Variants in BTG4 observed in about 807,000 individuals in gnomAD.
The protein encoded by BTG4 is BTG anti-proliferation factor 4, also known as protein BTG4.
BTG4 carries 10 observed loss-of-function variants against 19.3 expected under a neutral mutation model. That is an observed-to-expected ratio of 0.52 (90% CI 0.32 to 0.88). The LOEUF is 0.88. Among genes scored for constraint, BTG4 ranks in the 40% least tolerant of loss-of-function variants. The probability of loss-of-function intolerance (pLI) is 0.04; values close to 1 mark genes in which losing one functional copy is unlikely to be tolerated. For synonymous variants in BTG4, 91 were observed against 95.7 expected (o/e 0.95, Z 0.29); for missense variants, 238 against 281.9 (o/e 0.84, Z 1.11).
intron 5 of BTG4, among the ~76,000 whole-genome samples, chr11:111,486,664 T>C (rs1032633924): frequency 2.6e-5 from 4 of 152,074 alleles, no homozygotes; most frequent in South Asian, 2.1e-4. Flanking sequence ...CTGAATTCAA[T>C]AGCACATTAA....
At chr11:111,443,857 A>T in the BTG4 span, among the ~76,000 whole-genome samples, 1 of 152,200 alleles carries the variant, frequency 6.6e-6, no homozygotes, top group Non-Finnish European at 1.5e-5. Context: ...AGGAAGCCTC[A>T]CTTAGAAGCC....
At position 111,473,677 on chromosome 11, in the gene BTG4, A is replaced by C. The variant is rs113783604; in HGVS notation, c.663-5996T>G. 1.8e-3 allele frequency among the ~76,000 whole-genome samples: 279 copies of C among 152,282 alleles called. 3 individuals are homozygous for C. Among genetic ancestry groups the C allele is most frequent in the African/African-American group, 5.6e-3 (232 of 41,562 alleles). ...GGTCATCAGGGAAATTTAAAACTAC[A>C]TTGAGATACCACACACCAGAAAAAT... is the stretch of plus-strand genomic sequence containing the variant. On this transcript the variant is annotated intron_variant, in intron 5 of 5. Coordinates refer to the BTG4 transcript ENST00000356018.
the BTG4 span, chr11:111,455,705 G>A: frequency 2.4e-6 from 1 of 420,140 alleles, no homozygotes; most frequent in East Asian, 7.4e-5. Flanking sequence ...CCCGGAACTG[G>A]CCAAAACAAA....
chr11:111,476,398 C>T (rs974507392), intron 5 of BTG4, among the ~76,000 whole-genome samples: 2 of 151,932 alleles, frequency 1.3e-5, no homozygotes, highest in Non-Finnish European at 2.9e-5. Flanking sequence ...GATGAAAATA[C>T]TAATGGTAGA....
At position 111,495,244 on chromosome 11, in the gene BTG4, C is replaced by T. The variant is rs201313198; in HGVS notation, c.581G>A (p.Arg194His). Residue 194 changes from arginine to histidine, a missense_variant, in exon 5 of 5, where the codon CGT (arginine) becomes CAT (histidine). Arg to His is a conservative substitution (Grantham distance 29). Transcript: ENST00000692032. ...GTAAGTGTTTCCCAGGAGGCCAACA[C>T]GGCCGTCCACCACATTCTTTTTGCG... ...IPRKKNVVDG[R>H]VGLLGNTYHG... 116 of 1,612,402 alleles carry T rather than the reference C, an allele frequency of 7.2e-5. No homozygotes were observed. Among genetic ancestry groups the T allele is most frequent in the Middle Eastern group, 5.0e-4 (3 of 6,054 alleles).
At chr11:111,494,114 G>C (rs1053414866), downstream of BTG4, among the ~76,000 whole-genome samples, 1 of 152,214 alleles carries the variant, frequency 6.6e-6, no homozygotes, top group Non-Finnish European at 1.5e-5. Context: ...AGCGGCTGGA[G>C]AAGAGCAAAG....
the BTG4 span, among the ~76,000 whole-genome samples, chr11:111,444,251 A>AG: frequency 7.4e-6 from 1 of 135,486 alleles, no homozygotes; most frequent in Non-Finnish European, 1.6e-5. Context: ...AGAGACAGAG[A>AG]GAGAGGAGAG....
At chr11:111,466,648 C>A (rs539045599), downstream of BTG4, 4 of 152,632 alleles carry the variant, frequency 2.6e-5, no homozygotes, top group South Asian at 8.3e-4. Context: ...TTGCAATAAA[C>A]CTTTTCCTAA....
chr11:111,493,600 A>G (rs986413519), downstream of BTG4, among the ~76,000 whole-genome samples: 9 of 152,166 alleles, frequency 5.9e-5, no homozygotes, highest in African/African-American at 2.2e-4. Context: ...AACCACCTCC[A>G]GGAGATGGTT....
At chr11:111,484,132 T>G (rs1864907241) in intron 5 of BTG4, among the ~76,000 whole-genome samples, 1 of 152,072 alleles carries the variant, frequency 6.6e-6, no homozygotes, top group African/African-American at 2.4e-5. Context: ...AGAATTATTC[T>G]TCAAACATGA....
chr11:111,401,051 C>CAAAA, the BTG4 span: 1 of 9,836 alleles, frequency 1.0e-4, no homozygotes, highest in Non-Finnish European at 2.0e-4. Context: ...GAACCTGGAG[C>CAAAA]ATAAAAAAAA....
At chr11:111,436,231 C>T in the BTG4 span, among the ~76,000 whole-genome samples, 8 of 152,234 alleles carry the variant, frequency 5.3e-5, no homozygotes, top group African/African-American at 1.9e-4. Flanking sequence ...AATCCAGCAC[C>T]CTGATTATCT....
the BTG4 span, among the ~76,000 whole-genome samples, chr11:111,407,212 G>GTA: frequency 2.9e-3 from 424 of 147,426 alleles, 1 homozygote; most frequent in Non-Finnish European, 4.3e-3. Flanking sequence ...TAAGTATATA[G>GTA]TATATATATA....
In BTG4 at chr11:111,497,118, C is replaced by T. The variant is rs570446685; in HGVS notation, c.510+93G>A. ...TAAAAATCTACAGTTTTGTTCTTTC[C>T]ATGTTTTTTTGCTTCTTTGTTTTCA... On this transcript the variant is annotated intron_variant, in intron 4 of 4. Transcript: ENST00000692032. The T allele has an allele frequency of 3.9e-5, 49 of 1,270,760 alleles. No homozygotes were observed. In the Admixed American group the frequency reaches 1.0e-3, roughly 27 times the overall value. 78.7% of individuals were successfully genotyped at this position (1,270,760 alleles called of 1,614,324 possible). A position where few individuals can be genotyped will look rare whatever the true frequency, so the allele number is the denominator to read the frequency against.
chr11:111,396,695 T>C, the BTG4 span: 1 of 152,290 alleles, frequency 6.6e-6, no homozygotes, highest in Admixed American at 6.5e-5. Context: ...CCAATACGTA[T>C]ACTTCCCTGA....
the BTG4 span, chr11:111,453,406 T>C: frequency 6.6e-6 from 3 of 456,092 alleles, no homozygotes; most frequent in Non-Finnish European, 1.3e-5. Context: ...ATGTACTCTG[T>C]AGATGCAGTG....
the BTG4 span, chr11:111,452,352 GT>G: frequency 6.6e-6 from 1 of 152,268 alleles, no homozygotes; most frequent in African/African-American, 2.4e-5. Context: ...ACTCTGTCTT[GT>G]GGCCAGTCTC....
At chr11:111,435,168 C>G in the BTG4 span, 1 of 152,332 alleles carries the variant, frequency 6.6e-6, no homozygotes, top group Non-Finnish European at 1.5e-5. Context: ...TTTGGTGGTT[C>G]TGTTGGCCAG....
chr11:111,449,234 A>G, the BTG4 span: 16 of 151,804 alleles, frequency 1.1e-4, no homozygotes, highest in African/African-American at 3.9e-4. Context: ...GCCCATTTCC[A>G]AAAGGGTCAC....
Sources: allele counts gnomAD v4.1 joint callset (sites outside exome capture counted in the v4.1 genomes callset), GRCh38; gene constraint gnomAD v4.1.1; transcripts MANE v1.5; gene names NCBI Gene and HGNC (gene_info 2026-07-23, HGNC 2026-07-21).